Variants in FOXP1 observed in about 807,000 individuals in gnomAD.
The protein encoded by FOXP1 is forkhead box protein P1.
Under a neutral mutation model 98.2 loss-of-function variants are expected in FOXP1, and 15 were observed. That is an observed-to-expected ratio of 0.15 (90% CI 0.10 to 0.24). The LOEUF (loss-of-function observed/expected upper bound fraction) is 0.24, where lower values mean the gene tolerates loss of function less well. FOXP1 is among the 10% of genes least tolerant of loss of function. FOXP1 has a pLI of 1.00. For missense variants in FOXP1, 633 were observed against 848.5 expected, an observed-to-expected ratio of 0.75 and a Z score of 3.15; for synonymous variants, 371 against 314.5, an observed-to-expected ratio of 1.18 and a Z score of -1.90.
chr3:71,051,047 C>T (rs560754274), intron 9 of FOXP1, among the ~76,000 whole-genome samples: 51 of 152,254 alleles, frequency 3.3e-4, no homozygotes, highest in African/African-American at 1.2e-3. Context: ...GAGTCATTAA[C>T]GCGCATTGAA....
chr3:71,564,729 G>A (rs1578198669), intron 2 of FOXP1, among the ~76,000 whole-genome samples: 1 of 152,318 alleles, frequency 6.6e-6, no homozygotes, highest in East Asian at 1.9e-4. Context: ...TTTGTAAGTG[G>A]GAATTTATAT....
At chr3:71,041,667 C>T in intron 10 of FOXP1, 135 bp from the exon 11 acceptor site, 1 of 797,544 alleles carries the variant, frequency 1.3e-6, no homozygotes, top group South Asian at 1.5e-5. Context: ...TTTTTTTCCC[C>T]TCCCAACTAC....
chr3:71,128,756 A>C (rs2059387499), intron 6 of FOXP1, among the ~76,000 whole-genome samples: 1 of 152,144 alleles, frequency 6.6e-6, no homozygotes, highest in South Asian at 2.1e-4. Flanking sequence ...AGAAAAAGCT[A>C]AATTAATGAA....
In FOXP1 at chr3:70,955,689, C is replaced by T. The variant is rs564760490; in HGVS notation, c.*3558G>A. 8.6e-6 allele frequency: 2 copies of T among 233,246 alleles called. No individual in the cohort carries two copies. Among genetic ancestry groups the T allele is most frequent in the South Asian group, 1.8e-4 (1 of 5,518 alleles). The allele number at this position is 233,246 out of a possible 1,614,324, so 14.4% of individuals were successfully genotyped here. Reference sequence around the variant, plus strand: ...ATTTCATCATGCAAAATATTTACTGCAGCAGGAGAAAACATTTTTTAAACA... The same window carrying T: ...ATTTCATCATGCAAAATATTTACTGTAGCAGGAGAAAACATTTTTTAAACA... On this transcript the variant is annotated 3_prime_UTR_variant, in exon 21 of 21. Coordinates refer to ENST00000649528, the MANE Select transcript of FOXP1 (RefSeq NM_001349338.3).
At chr3:71,036,148 C>T (rs1360272044) in intron 11 of FOXP1, among the ~76,000 whole-genome samples, 1 of 152,052 alleles carries the variant, frequency 6.6e-6, no homozygotes, top group Non-Finnish European at 1.5e-5. Context: ...GTGAAACTGT[C>T]TATAAGTACA....
rs77129703 is a variant in FOXP1 at position 71,338,877 on chromosome 3, T to C, written c.-73+20273A>G. Among the ~76,000 whole-genome samples, 1,055 of 152,312 alleles carry C rather than the reference T, an allele frequency of 6.9e-3. 29 individuals are homozygous for C. The highest frequency in any genetic ancestry group is 4.1e-3 in the Non-Finnish European group (280 of 68,032). ...CAGTAACTAAATTATACTTTGGTAA[T>C]TGTGCAAGGTACCACACGCTAAGAA... On this transcript the variant is annotated intron_variant, in intron 4 of 20. Coordinates refer to ENST00000649528, the MANE Select transcript of FOXP1 (RefSeq NM_001349338.3).
At chr3:71,569,618 G>A (rs1478049575) in intron 2 of FOXP1, among the ~76,000 whole-genome samples, 2 of 152,090 alleles carry the variant, frequency 1.3e-5, no homozygotes, top group Non-Finnish European at 2.9e-5. Flanking sequence ...TTTTAAATAT[G>A]AGTAGTATAT....
At chr3:71,470,017 G>C (rs2089171890) in intron 3 of FOXP1, among the ~76,000 whole-genome samples, 1 of 151,618 alleles carries the variant, frequency 6.6e-6, no homozygotes, top group South Asian at 2.1e-4. Flanking sequence ...CTTTCCAACT[G>C]CCTCCTGATT....
At chr3:71,156,645 G>A (rs2060837422) in intron 6 of FOXP1, among the ~76,000 whole-genome samples, 1 of 152,256 alleles carries the variant, frequency 6.6e-6, no homozygotes, top group Admixed American at 6.5e-5. Flanking sequence ...GGGGAAAACA[G>A]AGGATAAGCT....
intron 13 of FOXP1, among the ~76,000 whole-genome samples, chr3:70,988,422 C>G (rs2040102238): frequency 6.6e-6 from 1 of 152,218 alleles, no homozygotes; most frequent in South Asian, 2.1e-4. Context: ...AGCTAGGTAG[C>G]TAAAACCCAT....
chr3:71,202,671 T>A (rs1439290129), intron 5 of FOXP1, among the ~76,000 whole-genome samples: 1 of 152,150 alleles, frequency 6.6e-6, no homozygotes, highest in Non-Finnish European at 1.5e-5. Flanking sequence ...TTATTAAGAA[T>A]CTCCAGTTTG....
chr3:71,112,119 G>A (rs567119693), intron 7 of FOXP1, among the ~76,000 whole-genome samples: 1 of 142,792 alleles, frequency 7.0e-6, no homozygotes, highest in Non-Finnish European at 1.5e-5. Context: ...GTGGTGGGTG[G>A]GGGGGTGGGG....
intron 12 of FOXP1, among the ~76,000 whole-genome samples, chr3:71,004,161 A>G (rs1447994397): frequency 6.6e-6 from 1 of 152,088 alleles, no homozygotes; most frequent in East Asian, 1.9e-4. Flanking sequence ...TGTTAGACAA[A>G]CATTTGTTTT....
intron 2 of FOXP1, among the ~76,000 whole-genome samples, chr3:71,535,893 G>T (rs776386045): frequency 1.8e-4 from 27 of 152,094 alleles, no homozygotes; most frequent in Non-Finnish European, 3.4e-4. Context: ...CTCCACCCTG[G>T]CTTGCCTGTT....
chr3:70,962,994 T>TA (rs1403702608), intron 20 of FOXP1, among the ~76,000 whole-genome samples: 1 of 152,262 alleles, frequency 6.6e-6, no homozygotes, highest in Non-Finnish European at 1.5e-5. Flanking sequence ...ACACATTGTA[T>TA]ACATGTATCA....
chr3:71,148,851 G>A (rs559358771), intron 6 of FOXP1, among the ~76,000 whole-genome samples: 1 of 152,304 alleles, frequency 6.6e-6, no homozygotes, highest in African/African-American at 2.4e-5. Context: ...CATGGGTGAA[G>A]CACTCTACTC....
chr3:71,310,003 T>C (rs942820664), intron 4 of FOXP1, among the ~76,000 whole-genome samples: 4 of 152,250 alleles, frequency 2.6e-5, no homozygotes, highest in Non-Finnish European at 5.9e-5. Context: ...AACTTATGAT[T>C]TGAAATGACT....
intron 5 of FOXP1, among the ~76,000 whole-genome samples, chr3:71,241,209 C>CA (rs2067249698): frequency 1.4e-5 from 2 of 147,932 alleles, no homozygotes; most frequent in South Asian, 4.3e-4. Context: ...GATTCCATCT[C>CA]AAAAAAACAA....
At chr3:71,380,116 G>A (rs1490828789) in intron 3 of FOXP1, among the ~76,000 whole-genome samples, 1 of 152,166 alleles carries the variant, frequency 6.6e-6, no homozygotes, top group African/African-American at 2.4e-5. Context: ...AAAGATGGGG[G>A]CGGGCAGGCA....
Sources: allele counts gnomAD v4.1 joint callset (sites outside exome capture counted in the v4.1 genomes callset), GRCh38; gene constraint gnomAD v4.1.1; transcripts MANE v1.5; gene names NCBI Gene and HGNC (gene_info 2026-07-23, HGNC 2026-07-21).